CCDC91: variants seen among roughly 807,000 people sequenced by gnomAD.
The protein encoded by CCDC91 is coiled-coil domain containing 91, also known as coiled-coil domain-containing protein 91.
Under a neutral mutation model 63.2 loss-of-function variants are expected in CCDC91, and 48 were observed. That is an observed-to-expected ratio of 0.76 (90% CI 0.60 to 0.97). The LOEUF (loss-of-function observed/expected upper bound fraction) is 0.97. Among genes scored for constraint, CCDC91 ranks in the 50% least tolerant of loss-of-function variants. The probability of loss-of-function intolerance (pLI) is 0.00; values close to 1 mark genes in which losing one functional copy is unlikely to be tolerated. For synonymous variants in CCDC91, 167 were observed against 165.8 expected, an observed-to-expected ratio of 1.01 and a Z score of -0.06; for missense variants, 500 against 494.6, an observed-to-expected ratio of 1.01 and a Z score of -0.10.
At chr12:28,313,685 A>G (rs1246597221) in intron 6 of CCDC91, among the ~76,000 whole-genome samples, 2 of 152,056 alleles carry the variant, frequency 1.3e-5, no homozygotes, top group African/African-American at 4.8e-5. Context: ...ACAAAAGGAA[A>G]TAAATACTGT....
In CCDC91 at chr12:28,421,962, G is replaced by A. The variant is rs141691731; in HGVS notation, c.763-28199G>A. ...GACATCACTTTGTAAGGAGTCTTGA[G>A]TACTTGTTGTGCTTTTCTAATTTGC... On this transcript the variant is annotated intron_variant, in intron 8 of 12. Transcript: ENST00000536442. Among the ~76,000 whole-genome samples, 531 of 152,160 alleles carry A rather than the reference G, an allele frequency of 3.5e-3. 7 individuals carry two copies. The highest frequency in any genetic ancestry group is 0.012 in the African/African-American group (499 of 41,518).
At chr12:28,387,151 G>T (rs1160064683) in intron 7 of CCDC91, among the ~76,000 whole-genome samples, 2 of 152,178 alleles carry the variant, frequency 1.3e-5, no homozygotes, top group African/African-American at 4.8e-5. Flanking sequence ...CATGTGGCTA[G>T]TATCAATGTG....
At chr12:28,512,218 C>G (rs1939452025) in intron 12 of CCDC91, among the ~76,000 whole-genome samples, 1 of 151,744 alleles carries the variant, frequency 6.6e-6, no homozygotes, top group Admixed American at 6.6e-5. Flanking sequence ...GGAAAAAGTA[C>G]CATGCCAAGC....
chr12:28,540,260 T>A (rs1487794451), intron 12 of CCDC91, among the ~76,000 whole-genome samples: 1 of 152,190 alleles, frequency 6.6e-6, no homozygotes, highest in African/African-American at 2.4e-5. Flanking sequence ...ATTTTTTATA[T>A]GATGTATTTA....
chr12:28,305,593 C>G, intron 3 of CCDC91, 56 bp from the exon 4 acceptor site: 1 of 1,443,098 alleles, frequency 6.9e-7, no homozygotes, highest in Non-Finnish European at 9.4e-7. Flanking sequence ...AACCTGTTCC[C>G]TCTCTGTTTT....
chr12:28,452,377 A>G lies in CCDC91; in HGVS notation c.925-101A>G, dbSNP rs534000023. 1.2e-4 allele frequency: 88 copies of G among 754,216 alleles called. No individual in the cohort carries two copies. The African/African-American group carries it at 1.5e-3, about 13-fold the overall frequency. The allele number at this position is 754,216 out of a possible 1,614,324, so 46.7% of individuals were successfully genotyped here. A position where few individuals can be genotyped will look rare whatever the true frequency, so the allele number is the denominator to read the frequency against. On this transcript the variant is annotated intron_variant, in intron 10 of 12. Coordinates refer to ENST00000536442, the MANE Select transcript of CCDC91 (RefSeq NM_018318.5). ...AACAGCAATGTTAGAACTAAACACT[A>G]TAGGATCAAAGTTTTTTATCTTTTA... is the stretch of plus-strand genomic sequence containing the variant.
Position 28,323,793 on chromosome 12 carries a change from T to C in CCDC91, c.576+16044T>C, listed in dbSNP as rs143937159. On this transcript the variant is annotated intron_variant, in intron 6 of 12. Transcript: ENST00000536442. ...GTCAGGTGGGGAAGGTAGCTTCTTA[T>C]AGACGGAGTGGCATATGCAAAGCCC... 2.6e-4 allele frequency among the ~76,000 whole-genome samples: 39 copies of C among 152,008 alleles called. 1 individual carries two copies. In the East Asian group the frequency reaches 3.3e-3, roughly 13 times the overall value.
intron 3 of CCDC91, among the ~76,000 whole-genome samples, chr12:28,275,820 T>C (rs1048521007): frequency 1.3e-4 from 20 of 152,190 alleles, no homozygotes; most frequent in African/African-American, 4.6e-4. Context: ...TTTCAACATA[T>C]GCAAATCAAT....
At chr12:28,269,066 C>T (rs1258929275) in intron 3 of CCDC91, among the ~76,000 whole-genome samples, 3 of 152,136 alleles carry the variant, frequency 2.0e-5, no homozygotes, top group Non-Finnish European at 4.4e-5. Flanking sequence ...CAGATATGCC[C>T]TATGCACATT....
chr12:28,234,351 T>C (rs1490139426), intron 1 of CCDC91, among the ~76,000 whole-genome samples: 1 of 152,162 alleles, frequency 6.6e-6, no homozygotes, highest in Non-Finnish European at 1.5e-5. Flanking sequence ...TGCAAAATAG[T>C]CTCAGTGGAG....
At chr12:28,415,092 A>C (rs1947557975) in intron 8 of CCDC91, among the ~76,000 whole-genome samples, 1 of 152,192 alleles carries the variant, frequency 6.6e-6, no homozygotes, top group African/African-American at 2.4e-5. Flanking sequence ...TTATGGGCTA[A>C]GGTATTCAAG....
chr12:28,404,838 CCT>C (rs1458922275), intron 8 of CCDC91, among the ~76,000 whole-genome samples: 2 of 151,902 alleles, frequency 1.3e-5, no homozygotes, highest in Non-Finnish European at 2.9e-5. Flanking sequence ...TACCATAATA[CCT>C]CTGTCTTTAT....
chr12:28,443,976 A>T (rs75238706), intron 8 of CCDC91, among the ~76,000 whole-genome samples: 1 of 144,140 alleles, frequency 6.9e-6, no homozygotes, highest in East Asian at 1.9e-4. Flanking sequence ...TTTTGACCAT[A>T]CTATTTCTAT....
chr12:28,323,798 G>A (rs890791201), intron 6 of CCDC91, among the ~76,000 whole-genome samples: 17 of 151,792 alleles, frequency 1.1e-4, no homozygotes, highest in Middle Eastern at 3.2e-3. Flanking sequence ...TCTTATAGAC[G>A]GAGTGGCATA....
Position 28,305,699 on chromosome 12 carries a change from G to T in CCDC91, c.160G>T (p.Asp54Tyr), listed in dbSNP as rs1225536882. Reference protein sequence around the residue: ...PSSPEIVLDRDHSSSIGCLSS... With the variant: ...PSSPEIVLDRYHSSSIGCLSS... ...TTCTCCTGAGATTGTACTGGACCGT[G>T]ACCACTCTTCTTCCATTGGCTGCCT... The change falls in exon 4 of 13, where the codon GAC becomes TAC. Residue 54 changes from aspartate (D) to tyrosine (Y), a missense_variant. By Grantham distance (160) the Asp-to-Tyr change is radical. Coordinates refer to ENST00000536442, the MANE Select transcript of CCDC91 (RefSeq NM_018318.5). The T allele has an allele frequency of 1.2e-6, 2 of 1,613,200 alleles. No homozygotes were observed. Among genetic ancestry groups the T allele is most frequent in the South Asian group, 1.1e-5 (1 of 91,048 alleles).
chr12:28,470,995 ACAAT>A (rs1303192674), intron 11 of CCDC91, among the ~76,000 whole-genome samples: 7 of 152,176 alleles, frequency 4.6e-5, no homozygotes, highest in African/African-American at 1.4e-4. Context: ...AGAAAATTAG[ACAAT>A]CAATTCAAGA....
chr12:28,195,022 G>A (rs955880730), intron 1 of CCDC91, among the ~76,000 whole-genome samples: 9 of 152,200 alleles, frequency 5.9e-5, no homozygotes, highest in Admixed American at 4.6e-4. Flanking sequence ...GCATGGAAGG[G>A]GACCCGAAGG....
intron 1 of CCDC91, among the ~76,000 whole-genome samples, chr12:28,224,209 T>C (rs1944129740): frequency 6.6e-6 from 1 of 152,156 alleles, no homozygotes; most frequent in African/African-American, 2.4e-5. Flanking sequence ...CATAATGCAG[T>C]TGGCTTAAGT....
rs7961785 is a variant in CCDC91 at position 28,440,882 on chromosome 12, A to G, written c.763-9279A>G. Among the ~76,000 whole-genome samples the G allele has an allele frequency of 6.3e-3, 957 of 151,834 alleles. 2 individuals are homozygous for G. Among genetic ancestry groups the G allele is most frequent in the Non-Finnish European group, 0.011 (750 of 67,902 alleles). ...AAGACCAGCCTGGGCAACACGGTGA[A>G]ACCCTGTCTCTACTAAAATACAAAA... On this transcript the variant is annotated intron_variant, in intron 8 of 12. Transcript: ENST00000536442.
Sources: gnomAD v4.1 joint callset for allele counts (sites outside exome capture counted in the v4.1 genomes callset) on GRCh38, gnomAD v4.1.1 for gene constraint, MANE v1.5 for transcripts, NCBI Gene and HGNC (gene_info 2026-07-23, HGNC 2026-07-21) for gene names.